Variants in PKHD1 observed in about 807,000 individuals in gnomAD.
The protein encoded by PKHD1 is PKHD1 ciliary IPT domain containing fibrocystin/polyductin.
PKHD1 carries 291 observed loss-of-function variants against 412.0 expected under a neutral mutation model. That is an observed-to-expected ratio of 0.71 (90% confidence interval 0.64 to 0.78). The LOEUF (loss-of-function observed/expected upper bound fraction) is 0.78, where lower values mean the gene tolerates loss of function less well. Ranked by LOEUF, PKHD1 falls within the 30% of genes least tolerant of loss-of-function variation. The pLI, the probability that PKHD1 is intolerant of heterozygous loss-of-function variation, is 0.00. For missense variants in PKHD1, 4,825 were observed against 4,950.7 expected, an observed-to-expected ratio of 0.97 and a Z score of 0.76; for synonymous variants, 1,777 against 1,821.5, an observed-to-expected ratio of 0.98 and a Z score of 0.62.
chr6:51,744,601 A>G, intron 59 of PKHD1, 59 bp from the exon 60 acceptor site: 1 of 1,303,026 alleles, frequency 7.7e-7, no homozygotes, highest in Non-Finnish European at 1.1e-6. Flanking sequence ...AGAAGAAAAT[A>G]TACATTGGTA....
intron 50 of PKHD1, among the ~76,000 whole-genome samples, chr6:51,841,499 C>T (rs1051835183): frequency 6.6e-6 from 1 of 152,114 alleles, no homozygotes; most frequent in Non-Finnish European, 1.5e-5. Context: ...CATCCCCAGC[C>T]TCTGTTCTGT....
At chr6:51,863,385 G>A (rs1258918666) in intron 48 of PKHD1, among the ~76,000 whole-genome samples, 1 of 152,166 alleles carries the variant, frequency 6.6e-6, no homozygotes, top group African/African-American at 2.4e-5. Context: ...ACAGAATCAA[G>A]GTCTGATCTG....
At chr6:51,891,269 T>TTTTTG (rs1779077358) in intron 43 of PKHD1, among the ~76,000 whole-genome samples, 1 of 152,144 alleles carries the variant, frequency 6.6e-6, no homozygotes, top group African/African-American at 2.4e-5. Flanking sequence ...GGTTTTGTTT[T>TTTTTG]TTTGTTTGTT....
Position 51,860,292 on chromosome 6 carries a change from G to A in PKHD1, c.7734-4222C>T, listed in dbSNP as rs182683683. Among the ~76,000 whole-genome samples the A allele has an allele frequency of 2.0e-5, 3 of 152,198 alleles. No individual in the cohort carries two copies. The East Asian group carries it at 5.8e-4, about 29-fold the overall frequency. The stretch of plus-strand genomic sequence containing the variant: ...ATGGCTTGTACTGACCATCACCAGG[G>A]GCCAAAAATTCAGTCAGGTCATCTC... On this transcript the variant is annotated intron_variant, in intron 48 of 66. Coordinates refer to ENST00000371117, the MANE Select transcript of PKHD1 (RefSeq NM_138694.4).
At chr6:51,772,426 A>G (rs2151135895) in intron 55 of PKHD1, among the ~76,000 whole-genome samples, 1 of 152,020 alleles carries the variant, frequency 6.6e-6, no homozygotes, top group South Asian at 2.1e-4. Flanking sequence ...GAATTCATAT[A>G]TTTTAAGATT....
At chr6:51,759,236 T>C (rs1296717288) in intron 55 of PKHD1, among the ~76,000 whole-genome samples, 1 of 152,142 alleles carries the variant, frequency 6.6e-6, no homozygotes, top group Non-Finnish European at 1.5e-5. Flanking sequence ...CTATAGTCAA[T>C]ACCAATTATT....
At chr6:51,997,926 C>T (rs1173229893) in intron 35 of PKHD1, among the ~76,000 whole-genome samples, 3 of 152,176 alleles carry the variant, frequency 2.0e-5, no homozygotes, top group Non-Finnish European at 4.4e-5. Context: ...AATGTAAATC[C>T]AGTTCTGATT....
At chr6:51,998,480 T>C (rs1797966062) in intron 35 of PKHD1, among the ~76,000 whole-genome samples, 1 of 152,222 alleles carries the variant, frequency 6.6e-6, no homozygotes, top group Non-Finnish European at 1.5e-5. Flanking sequence ...AGGAGGTTAC[T>C]AGCACTTAAC....
At chr6:51,854,878 G>A (rs911852627) in intron 49 of PKHD1, among the ~76,000 whole-genome samples, 3 of 152,262 alleles carry the variant, frequency 2.0e-5, no homozygotes, top group African/African-American at 7.2e-5. Context: ...AAGTCCCAGT[G>A]CTGGCTGCTG....
chr6:51,738,346 A>G (rs918187262), intron 60 of PKHD1, among the ~76,000 whole-genome samples: 1 of 152,230 alleles, frequency 6.6e-6, no homozygotes, highest in Non-Finnish European at 1.5e-5. Flanking sequence ...TTTGGGAGTG[A>G]GAGGAAATGA....
intron 60 of PKHD1, among the ~76,000 whole-genome samples, chr6:51,675,777 C>T (rs1243062724): frequency 6.6e-6 from 1 of 152,162 alleles, no homozygotes; most frequent in African/African-American, 2.4e-5. Context: ...TTAATAAATG[C>T]TGAGTGACCA....
chr6:52,085,147 A>G (rs1812581515), intron 1 of PKHD1, 130 bp from the exon 2 acceptor site: 1 of 532,690 alleles, frequency 1.9e-6, no homozygotes, highest in Non-Finnish European at 3.4e-6. Flanking sequence ...TGGAGCCACC[A>G]TTTTTCCAAG....
At chr6:51,858,605 G>GGATTTATTTAAATAAATCTTGT (rs575365697) in intron 48 of PKHD1, among the ~76,000 whole-genome samples, 11 of 151,980 alleles carry the variant, frequency 7.2e-5, no homozygotes, top group Non-Finnish European at 1.5e-4. Context: ...ATATGGGCTT[G>GGATTTATTTAAATAAATCTTGT]GATTTATTTA....
chr6:51,628,137 A>T (rs1767506942), intron 65 of PKHD1, among the ~76,000 whole-genome samples: 1 of 152,122 alleles, frequency 6.6e-6, no homozygotes, highest in African/African-American at 2.4e-5. Context: ...GGTAAATTGC[A>T]TGTCACTGGG....
intron 66 of PKHD1, among the ~76,000 whole-genome samples, chr6:51,626,286 A>G (rs993983351): frequency 6.6e-6 from 1 of 152,172 alleles, no homozygotes; most frequent in African/African-American, 2.4e-5. Flanking sequence ...TATATGTTTT[A>G]AAACGTTTCA....
At chr6:52,073,652 T>C (rs1396794833) in intron 6 of PKHD1, 111 bp from the exon 7 acceptor site, 2 of 725,232 alleles carry the variant, frequency 2.8e-6, no homozygotes, top group African/African-American at 1.8e-5. Flanking sequence ...AAGCAGGTCA[T>C]GGCCCAGAAA....
chr6:52,046,186 C>T lies in PKHD1; in HGVS notation c.2410G>A (p.Val804Ile). The T allele has an allele frequency of 1.2e-6, 2 of 1,610,282 alleles. No individual in the cohort carries two copies. The highest frequency in any genetic ancestry group is 1.7e-6 in the Non-Finnish European group (2 of 1,176,532). The part of the protein sequence containing the change: ...IQLPNTVISD[V>I]PVQISAHHLH... The stretch of plus-strand genomic sequence containing the variant: ...TGATGAGCAGAAATTTGTACAGGGA[C>T]ATCTGTGAGAGAAGGTTTTGATACA... The change falls in exon 24 of 67, where the codon GTC becomes ATC. Residue 804 changes from valine (V) to isoleucine (I), a missense_variant and splice_region_variant. Coordinates refer to ENST00000371117, the MANE Select transcript of PKHD1 (RefSeq NM_138694.4).
chr6:51,806,525 C>T (rs2151365414), intron 52 of PKHD1, among the ~76,000 whole-genome samples: 1 of 152,138 alleles, frequency 6.6e-6, no homozygotes, highest in Non-Finnish European at 1.5e-5. Context: ...GTACATCATC[C>T]CAGTGCAGAT....
In PKHD1 at chr6:51,803,349, G is replaced by A. The variant is rs540369489; in HGVS notation, c.8303-11976C>T. 1.1e-4 allele frequency among the ~76,000 whole-genome samples: 17 copies of A among 150,958 alleles called. No homozygotes were observed. The South Asian group carries it at 3.5e-3, about 31-fold the overall frequency. On this transcript the variant is annotated intron_variant, in intron 52 of 66. Transcript: ENST00000371117. ...AATATGTTATTTTCCACTTGAATTC[G>A]AATATTGTCCCAGAGATCATGAAGG...
Sources: allele counts gnomAD v4.1 joint callset (sites outside exome capture counted in the v4.1 genomes callset), GRCh38; gene constraint gnomAD v4.1.1; transcripts MANE v1.5; gene names NCBI Gene and HGNC (gene_info 2026-07-23, HGNC 2026-07-21).